FER: variants seen among roughly 807,000 people sequenced by gnomAD.
FER encodes the protein FER tyrosine kinase, also known as tyrosine-protein kinase Fer.
FER carries 63 observed loss-of-function variants against 111.0 expected under a neutral mutation model. The ratio of observed to expected loss-of-function variants is 0.57; its 90% CI spans 0.46 to 0.70. The LOEUF (loss-of-function observed/expected upper bound fraction) is 0.70. Among genes scored for constraint, FER ranks in the 30% least tolerant of loss-of-function variants. The pLI, the probability that FER is intolerant of heterozygous loss-of-function variation, is 0.00. For synonymous variants in FER, 327 were observed against 313.9 expected, an observed-to-expected ratio of 1.04 and a Z score of -0.44; for missense variants, 914 against 954.0, an observed-to-expected ratio of 0.96 and a Z score of 0.55.
At chr5:108,763,384 A>G (rs1326750944) in intron 1 of FER, among the ~76,000 whole-genome samples, 1 of 152,194 alleles carries the variant, frequency 6.6e-6, no homozygotes, top group African/African-American at 2.4e-5. Context: ...TGACAAAACA[A>G]TGTGATGAGG....
At chr5:109,031,977 C>T (rs1290912555) in intron 13 of FER, among the ~76,000 whole-genome samples, 1 of 152,118 alleles carries the variant, frequency 6.6e-6, no homozygotes, top group Non-Finnish European at 1.5e-5. Flanking sequence ...TAAGTATATC[C>T]ATAACATATG....
intron 1 of FER, among the ~76,000 whole-genome samples, chr5:108,760,307 C>G (rs1460344320): frequency 6.6e-6 from 1 of 152,070 alleles, no homozygotes; most frequent in Non-Finnish European, 1.5e-5. Flanking sequence ...TTCTTATGGA[C>G]TCTGCAATAT....
intron 13 of FER, among the ~76,000 whole-genome samples, chr5:108,998,990 GA>G (rs1028750644): frequency 6.6e-5 from 10 of 152,104 alleles, no homozygotes; most frequent in Admixed American, 6.5e-4. Context: ...TTTCAAACAT[GA>G]AAAAATACAG....
At chr5:108,942,815 C>G (rs1423346114) in intron 10 of FER, among the ~76,000 whole-genome samples, 1 of 151,964 alleles carries the variant, frequency 6.6e-6, no homozygotes, top group Non-Finnish European at 1.5e-5. Context: ...GTAGTTATTT[C>G]TCACAAAATC....
intron 17 of FER, among the ~76,000 whole-genome samples, chr5:109,120,568 G>A (rs1025215827): frequency 6.6e-6 from 1 of 152,066 alleles, no homozygotes; most frequent in Non-Finnish European, 1.5e-5. Flanking sequence ...GCTTAGGAAA[G>A]CATTGACTAT....
At position 108,871,582 on chromosome 5, in the gene FER, TAAG is replaced by T. The variant is rs373727978; in HGVS notation, c.803+83_803+85del. The T allele has an allele frequency of 3.0e-5, 31 of 1,027,806 alleles. 2 individuals carry two copies. Among genetic ancestry groups the T allele is most frequent in the African/African-American group, 2.4e-4 (15 of 62,352 alleles). 63.7% of individuals were successfully genotyped at this position (1,027,806 alleles called of 1,614,324 possible). ...TACAATAGTTAACCACAGATAAAAATAAGAAATACTTAAGATCTTATTAAGACA... is the reference window on the plus strand; with the variant it reads ...TACAATAGTTAACCACAGATAAAAATAAATACTTAAGATCTTATTAAGACA... On this transcript the variant is annotated intron_variant, in intron 7 of 19. Transcript: ENST00000281092.
At chr5:108,802,749 T>C (rs1756808614) in intron 3 of FER, among the ~76,000 whole-genome samples, 1 of 152,084 alleles carries the variant, frequency 6.6e-6, no homozygotes, top group South Asian at 2.1e-4. Context: ...TTTTCTTCAC[T>C]CAGAGCGGTA....
At chr5:108,885,882 T>C (rs1747070756) in intron 9 of FER, among the ~76,000 whole-genome samples, 1 of 152,074 alleles carries the variant, frequency 6.6e-6, no homozygotes, top group African/African-American at 2.4e-5. Context: ...TAGTATTGCA[T>C]TAACAGAAGA....
intron 16 of FER, among the ~76,000 whole-genome samples, chr5:109,061,809 A>G (rs574767312): frequency 6.6e-6 from 1 of 152,328 alleles, no homozygotes; most frequent in East Asian, 1.9e-4. Flanking sequence ...CCTAGTGTCT[A>G]ATATGCAAAT....
At chr5:108,836,238 T>C (rs1760645765) in intron 5 of FER, among the ~76,000 whole-genome samples, 3 of 152,144 alleles carry the variant, frequency 2.0e-5, no homozygotes, top group Non-Finnish European at 4.4e-5. Flanking sequence ...AGCTTAATTT[T>C]ATGTGTCTAT....
At chr5:108,826,847 A>G (rs992940550) in intron 3 of FER, among the ~76,000 whole-genome samples, 3 of 152,248 alleles carry the variant, frequency 2.0e-5, no homozygotes, top group South Asian at 4.1e-4. Context: ...TTTTTATTCC[A>G]TAGCACCTTG....
chr5:108,889,254 C>T (rs1460270463), intron 9 of FER, among the ~76,000 whole-genome samples: 1 of 151,890 alleles, frequency 6.6e-6, no homozygotes, highest in Admixed American at 6.6e-5. Context: ...GAGATATTTA[C>T]ACTCCCATGT....
At chr5:109,106,763 T>A (rs1748983948) in intron 17 of FER, among the ~76,000 whole-genome samples, 1 of 152,220 alleles carries the variant, frequency 6.6e-6, no homozygotes, top group African/African-American at 2.4e-5. Flanking sequence ...TCACTCATTT[T>A]AATTAAGGAC....
intron 13 of FER, among the ~76,000 whole-genome samples, chr5:109,001,379 A>C (rs1027137994): frequency 4.6e-5 from 7 of 152,224 alleles, no homozygotes; most frequent in Admixed American, 1.3e-4. Context: ...CCAAAGACAA[A>C]AACCACATGA....
chr5:108,773,957 T>A (rs1040971277), intron 2 of FER, among the ~76,000 whole-genome samples: 2 of 152,200 alleles, frequency 1.3e-5, no homozygotes, highest in Non-Finnish European at 2.9e-5. Flanking sequence ...AGTTCTGGTA[T>A]ACATGTGCAG....
At chr5:108,954,612 A>G in intron 11 of FER, 117 bp from the exon 12 acceptor site, 1 of 756,926 alleles carries the variant, frequency 1.3e-6, no homozygotes, top group Non-Finnish European at 2.0e-6. Context: ...ATAACTTTTA[A>G]TTGGTCAATT....
intron 13 of FER, among the ~76,000 whole-genome samples, chr5:109,024,776 C>T (rs1485867554): frequency 1.3e-5 from 2 of 152,006 alleles, no homozygotes; most frequent in Non-Finnish European, 2.9e-5. Context: ...GTCTTTAATC[C>T]ATCTTGAATT....
intron 17 of FER, among the ~76,000 whole-genome samples, chr5:109,167,422 A>T (rs1756668626): frequency 6.6e-6 from 1 of 152,144 alleles, no homozygotes; most frequent in Non-Finnish European, 1.5e-5. Context: ...CATAATAGAG[A>T]CTTAGTAATG....
intron 3 of FER, chr5:108,820,492 C>T: frequency 1.0e-6 from 1 of 985,260 alleles, no homozygotes; most frequent in Non-Finnish European, 1.2e-6. Flanking sequence ...TTGAGGAGCA[C>T]CAAGAAGCTG....
Sources: gnomAD v4.1 joint callset for allele counts (sites outside exome capture counted in the v4.1 genomes callset) on GRCh38, gnomAD v4.1.1 for gene constraint, MANE v1.5 for transcripts, NCBI Gene and HGNC (gene_info 2026-07-23, HGNC 2026-07-21) for gene names.